NUB1: variants seen among roughly 807,000 people sequenced by gnomAD.
NUB1 encodes the protein negative regulator of ubiquitin like proteins 1, also known as NEDD8 ultimate buster 1.
NUB1 carries 41 observed loss-of-function variants against 77.1 expected under a neutral mutation model. The observed-to-expected ratio is 0.53, with a 90% CI of 0.41 to 0.69. The LOEUF (loss-of-function observed/expected upper bound fraction) is 0.69. Ranked by LOEUF, NUB1 falls within the 30% of genes least tolerant of loss-of-function variation. The pLI, the probability that NUB1 is intolerant of heterozygous loss-of-function variation, is 0.00. For synonymous variants in NUB1, 257 were observed against 281.0 expected, an observed-to-expected ratio of 0.91 and a Z score of 0.85; for missense variants, 643 against 743.8, an observed-to-expected ratio of 0.86 and a Z score of 1.58.
At chr7:151,368,699 C>T (rs376804754) in intron 10 of NUB1, 36 bp from the exon 11 acceptor site, 100 of 1,565,024 alleles carry the variant, frequency 6.4e-5, no homozygotes, top group African/African-American at 3.0e-4. Context: ...TAAGTATTGC[C>T]GTGGTTACAT....
intron 11 of NUB1, among the ~76,000 whole-genome samples, chr7:151,371,688 C>T (rs1797965326): frequency 6.6e-6 from 1 of 152,194 alleles, no homozygotes; most frequent in African/African-American, 2.4e-5. Flanking sequence ...ATCTGCTGCC[C>T]TCGGAGTTCC....
chr7:151,358,428 T>C (rs1022566683), intron 7 of NUB1, among the ~76,000 whole-genome samples: 1 of 152,058 alleles, frequency 6.6e-6, no homozygotes, highest in Non-Finnish European at 1.5e-5. Context: ...CTGGGCCACA[T>C]AGCAGGTGAG....
At chr7:151,361,159 G>A (rs547441967) in intron 8 of NUB1, 1 of 152,280 alleles carries the variant, frequency 6.6e-6, no homozygotes, top group South Asian at 2.1e-4. Flanking sequence ...GGTACAATTT[G>A]TATAGGAAAG....
chr7:151,344,013 C>G (rs1027340512), intron 1 of NUB1, among the ~76,000 whole-genome samples: 6 of 151,424 alleles, frequency 4.0e-5, no homozygotes, highest in African/African-American at 1.5e-4. Flanking sequence ...AACCCCATCT[C>G]TACTAAAAAT....
At chr7:151,367,453 C>T (rs774442171) in intron 9 of NUB1, among the ~76,000 whole-genome samples, 1 of 152,180 alleles carries the variant, frequency 6.6e-6, no homozygotes, top group Non-Finnish European at 1.5e-5. Flanking sequence ...AGAAAATAGA[C>T]ATTTCAGCAG....
chr7:151,374,394 C>CCCAG, intron 12 of NUB1, 151 bp downstream of exon 12: 1 of 1,070,606 alleles, frequency 9.3e-7, no homozygotes, highest in Non-Finnish European at 1.4e-6. Context: ...TGGGCTCCAG[C>CCCAG]CCAGACACAG....
intron 11 of NUB1, 146 bp downstream of exon 11, chr7:151,369,033 A>T: frequency 6.4e-6 from 6 of 934,080 alleles, no homozygotes; most frequent in Non-Finnish European, 9.1e-6. Context: ...CTTGAGACAG[A>T]GTCTCACTTT....
Position 151,368,727 on chromosome 7 carries a change from G to A in NUB1, c.1096-8G>A. On this transcript the variant is annotated splice_region_variant and splice_polypyrimidine_tract_variant and intron_variant, in intron 10 of 14. Coordinates refer to ENST00000568733, the MANE Select transcript of NUB1 (RefSeq NM_001243351.2). ...GGTTACATGATTCTTACATTTCCCT[G>A]TCTCTAGGCACGTCAGCTCTTTAAA... is the stretch of plus-strand genomic sequence containing the variant. The A allele has an allele frequency of 3.1e-6, 5 of 1,593,672 alleles. No individual in the cohort carries two copies. Among genetic ancestry groups the A allele is most frequent in the Non-Finnish European group, 4.3e-6 (5 of 1,169,866 alleles).
intron 8 of NUB1, among the ~76,000 whole-genome samples, chr7:151,361,428 C>A (rs1484262658): frequency 6.6e-6 from 1 of 152,166 alleles, no homozygotes; most frequent in African/African-American, 2.4e-5. Flanking sequence ...TTTCTGGAAT[C>A]CAAAGATACT....
chr7:151,361,650 G>T (rs1797386547), intron 8 of NUB1, among the ~76,000 whole-genome samples: 1 of 152,142 alleles, frequency 6.6e-6, no homozygotes. Context: ...AGATAATACT[G>T]TATACTCCCA....
intron 1 of NUB1, among the ~76,000 whole-genome samples, chr7:151,344,629 T>C (rs1031980079): frequency 6.6e-6 from 1 of 151,988 alleles, no homozygotes; most frequent in Non-Finnish European, 1.5e-5. Flanking sequence ...AAATATTTAT[T>C]ATCGATAGTT....
intron 9 of NUB1, 137 bp downstream of exon 9, chr7:151,367,262 A>G (rs1465874813): frequency 3.0e-5 from 20 of 669,178 alleles, no homozygotes; most frequent in Non-Finnish European, 4.9e-5. Flanking sequence ...TTTTTAAACT[A>G]TATATTTATA....
At chr7:151,357,609 T>C (rs1212090783) in intron 7 of NUB1, among the ~76,000 whole-genome samples, 1 of 72,202 alleles carries the variant, frequency 1.4e-5, no homozygotes, top group East Asian at 2.9e-4. Flanking sequence ...AAGATTAAAG[T>C]TTTTTTTTTT....
chr7:151,358,123 C>T (rs950239561), intron 7 of NUB1, among the ~76,000 whole-genome samples: 8 of 151,874 alleles, frequency 5.3e-5, no homozygotes, highest in Non-Finnish European at 8.8e-5. Flanking sequence ...CTACAGTGCA[C>T]GCCACCATGC....
chr7:151,356,764 C>T (rs551752666), intron 7 of NUB1, among the ~76,000 whole-genome samples: 159 of 152,312 alleles, frequency 1.0e-3, no homozygotes, highest in Admixed American at 2.2e-3. Flanking sequence ...GTTGCTCAGG[C>T]TGGAGTGCAA....
intron 2 of NUB1, among the ~76,000 whole-genome samples, chr7:151,348,779 T>G (rs1796638225): frequency 6.6e-6 from 1 of 152,064 alleles, no homozygotes; most frequent in Admixed American, 6.5e-5. Context: ...TTCACCATGT[T>G]GGCCAGGCTG....
chr7:151,365,371 A>C (rs1227942980), intron 8 of NUB1, among the ~76,000 whole-genome samples: 1 of 149,726 alleles, frequency 6.7e-6, no homozygotes, highest in African/African-American at 2.5e-5. Context: ...GTCAAACTTG[A>C]GATAAGTGCA....
At chr7:151,341,928 C>G in intron 1 of NUB1, 82 bp downstream of exon 1, 1 of 1,392,400 alleles carries the variant, frequency 7.2e-7, no homozygotes, top group Non-Finnish European at 9.3e-7. Context: ...CGACTGGGCA[C>G]CTCTCCTGGC....
chr7:151,356,556 C>G (rs1797070964), intron 7 of NUB1, among the ~76,000 whole-genome samples: 1 of 152,232 alleles, frequency 6.6e-6, no homozygotes, highest in African/African-American at 2.4e-5. Context: ...ACCTTGTCCC[C>G]TAAGGGATGG....
Sources: allele counts gnomAD v4.1 joint callset (sites outside exome capture counted in the v4.1 genomes callset), GRCh38; gene constraint gnomAD v4.1.1; transcripts MANE v1.5; gene names NCBI Gene and HGNC (gene_info 2026-07-23, HGNC 2026-07-21).